Variants in MAST1 observed in about 807,000 individuals in gnomAD.
MAST1 encodes microtubule-associated serine/threonine-protein kinase 1.
In MAST1, 40 loss-of-function variants were observed where a neutral mutation model predicts 124.6. The observed-to-expected ratio is 0.32, with a 90% CI of 0.25 to 0.42. The LOEUF (loss-of-function observed/expected upper bound fraction) is 0.42. Ranked by LOEUF, MAST1 falls within the 10% of genes least tolerant of loss-of-function variation. The pLI is 1.00. For missense variants in MAST1, 1,558 were observed against 2,181.9 expected, an observed-to-expected ratio of 0.71 and a Z score of 5.70; for synonymous variants, 938 against 939.4, an observed-to-expected ratio of 1.00 and a Z score of 0.03.
rs1314468117 is a variant in MAST1, at chr19:12,852,019, G to C, written c.860G>C (p.Arg287Thr). ...CTTATTATCATCTCACGCCCTGCGA[G>C]GCTGCTGGAGTGCCTGGTGAGGGGG... Reference protein sequence around the residue: ...KLLIIISRPARLLECLEFNPE... With the variant: ...KLLIIISRPATLLECLEFNPE... Residue 287 changes from arginine (R) to threonine (T), a missense_variant, in exon 8 of 26, where the codon AGG (arginine) becomes ACG (threonine). Arg to Thr is a moderately conservative substitution (Grantham distance 71). Transcript: ENST00000251472. 1 of 1,614,092 alleles carries C rather than the reference G, an allele frequency of 6.2e-7. No homozygotes were observed. Among genetic ancestry groups the C allele is most frequent in the Non-Finnish European group, 8.5e-7 (1 of 1,180,034 alleles).
chr19:12,864,632 G>T (rs1970127537), intron 12 of MAST1, among the ~76,000 whole-genome samples, 177 bp from the exon 13 acceptor site: 1 of 152,140 alleles, frequency 6.6e-6, no homozygotes, highest in Non-Finnish European at 1.5e-5. Flanking sequence ...TTGGAGGATG[G>T]CTAAGAGGAC....
chr19:12,868,592 G>A, intron 20 of MAST1, 51 bp from the exon 21 acceptor site: 1 of 1,465,742 alleles, frequency 6.8e-7, no homozygotes, highest in Non-Finnish European at 9.2e-7. Flanking sequence ...ACAGTATGTG[G>A]GAAATCCCTG....
In MAST1 at chr19:12,852,165, C is replaced by G. The variant is rs768198100; in HGVS notation, c.927C>G (p.His309Gln). Residue 309 changes from histidine (H) to glutamine (Q), a missense_variant, in exon 9 of 26, where the codon CAC (histidine) becomes CAG (glutamine). Transcript: ENST00000251472. Reference protein sequence around the residue: ...FYHLLEAAEGHAKEGHLVKTD... With the variant: ...FYHLLEAAEGQAKEGHLVKTD... ...ACCTGCTGGAGGCGGCCGAAGGACA[C>G]GCCAAGGAGGGCCACCTTGTGAAGA... The G allele has an allele frequency of 6.2e-7, 1 of 1,613,882 alleles. No individual in the cohort carries two copies. Among genetic ancestry groups the G allele is most frequent in the African/African-American group, 1.3e-5 (1 of 74,944 alleles).
Position 12,873,843 on chromosome 19 carries a change from C to T in MAST1, c.3686C>T (p.Ser1229Leu), listed in dbSNP as rs753883274. Reference protein sequence around the residue: ...PPLPGHTVGSSHTTQSFPAKL... With the variant: ...PPLPGHTVGSLHTTQSFPAKL... Reference sequence around the variant, plus strand: ...CTGCCGGGCCACACGGTGGGCAGCTCGCACACTACTCAGAGCTTCCCGGCC... The same window carrying T: ...CTGCCGGGCCACACGGTGGGCAGCTTGCACACTACTCAGAGCTTCCCGGCC... The change falls in exon 26 of 26, where the codon TCG becomes TTG. Residue 1229 changes from serine to leucine, a missense_variant. Ser to Leu is a moderately radical substitution (Grantham distance 145). Transcript: ENST00000251472. 5.7e-6 allele frequency: 9 copies of T among 1,588,730 alleles called. No individual in the cohort carries two copies. The highest frequency in any genetic ancestry group is 7.7e-6 in the Non-Finnish European group (9 of 1,174,784).
intron 10 of MAST1, among the ~76,000 whole-genome samples, chr19:12,855,111 G>A (rs776897033): frequency 3.9e-5 from 6 of 152,106 alleles, no homozygotes; most frequent in South Asian, 2.1e-4. Context: ...GTGCCCACCC[G>A]TAATCCCAGC....
At chr19:12,850,394 A>G (rs1378519286) in intron 7 of MAST1, among the ~76,000 whole-genome samples, 2 of 152,318 alleles carry the variant, frequency 1.3e-5, no homozygotes. Context: ...AATAGGTATT[A>G]GGGCTGAGAC....
chr19:12,840,464 G>C lies in MAST1; in HGVS notation c.102G>C (p.Arg34=), dbSNP rs1298452324. 6.2e-7 allele frequency: 1 copy of C among 1,613,846 alleles called. No individual in the cohort carries two copies. The highest frequency in any genetic ancestry group is 1.7e-5 in the Admixed American group (1 of 59,996). Residue 34 remains arginine (R), a synonymous_variant, in exon 2 of 26, where the codon CGG becomes CGC. Transcript: ENST00000251472. ...RRTKSCRTSN[R]KSLILTSTSP... is the part of the protein sequence containing the mutation. ...CCCGCAGCTGCCGCACCAGTAATCG[G>C]AAAAGCCTCATCCTGACCAGCACTT...
rs138815534 is a variant in MAST1, at chr19:12,856,119, A to G, written c.1078-2243A>G. On this transcript the variant is annotated intron_variant, in intron 10 of 25. Transcript: ENST00000251472. The stretch of plus-strand genomic sequence containing the variant: ...TTTTAGGCTACATTCTTTGGAGCAT[A>G]TAAGTTCAATATTTTTATATATCAT... Among the ~76,000 whole-genome samples the G allele has an allele frequency of 9.3e-4, 142 of 152,242 alleles. 1 individual carries two copies. The highest frequency in any genetic ancestry group is 3.4e-3 in the Middle Eastern group (1 of 294).
At chr19:12,856,438 G>C (rs1036021419) in intron 10 of MAST1, among the ~76,000 whole-genome samples, 1 of 151,726 alleles carries the variant, frequency 6.6e-6, no homozygotes, top group African/African-American at 2.4e-5. Flanking sequence ...AAGCAGCTGG[G>C]ATTATAGGCA....
In MAST1 at chr19:12,852,394, A is replaced by G; in HGVS notation, c.1076A>G (p.Glu359Gly). The G allele has an allele frequency of 6.5e-7, 1 of 1,532,184 alleles. No homozygotes were observed. The allele number at this position is 1,532,184 out of a possible 1,614,324, so 94.9% of individuals were successfully genotyped here. Residue 359 changes from glutamate to glycine, a missense_variant and splice_region_variant, in exon 10 of 26, where the codon GAG becomes GGG. By Grantham distance (98) the Glu-to-Gly change is moderately conservative (BLOSUM62 -2). Coordinates refer to ENST00000251472, the MANE Select transcript of MAST1 (RefSeq NM_014975.3). Reference protein sequence around the residue: ...SNTPEQDDLSEGRSSKAKKPP... With the variant: ...SNTPEQDDLSGGRSSKAKKPP... Reference sequence around the variant, plus strand: ...ACCCCTGAGCAAGACGATCTCTCTGAGGTAAGGCTGGGTGGCTAAGCGGTC... The same window carrying G: ...ACCCCTGAGCAAGACGATCTCTCTGGGGTAAGGCTGGGTGGCTAAGCGGTC...
rs184722148 is a variant in MAST1 at position 12,871,634 on chromosome 19, A to C, written c.3263+462A>C. Among the ~76,000 whole-genome samples, 1,138 of 150,156 alleles carry C rather than the reference A, an allele frequency of 7.6e-3. 9 individuals are homozygous for C. Among genetic ancestry groups the C allele is most frequent in the Middle Eastern group, 0.028 (8 of 286 alleles). Reference sequence around the variant, plus strand: ...ACAAACAAACAAACAAACAAACAAAAAAAGAGGGGCTGGGATGAGTCACAC... The same window carrying C: ...ACAAACAAACAAACAAACAAACAAACAAAGAGGGGCTGGGATGAGTCACAC... On this transcript the variant is annotated intron_variant, in intron 24 of 25. Coordinates refer to ENST00000251472, the MANE Select transcript of MAST1 (RefSeq NM_014975.3).
At position 12,862,235 on chromosome 19, in the gene MAST1, C is replaced by G. The variant is rs80024999; in HGVS notation, c.1367-2574C>G. Among the ~76,000 whole-genome samples the G allele has an allele frequency of 2.4e-4, 36 of 152,268 alleles. No individual in the cohort carries two copies. In the East Asian group the frequency reaches 3.7e-3, roughly 15 times the overall value. On this transcript the variant is annotated intron_variant, in intron 12 of 25. Transcript: ENST00000251472. ...GGCCAGGCTGGTCTCGAATTCCTAG[C>G]CTTAAATGATCCATCAGTCTCGGCC...
At chr19:12,863,144 G>C (rs1001129317) in intron 12 of MAST1, among the ~76,000 whole-genome samples, 10 of 118,594 alleles carry the variant, frequency 8.4e-5, no homozygotes, top group African/African-American at 3.3e-4. Flanking sequence ...GGGTGACAGA[G>C]CCAGACTCTG....
chr19:12,843,632 G>A lies in MAST1; in HGVS notation c.327+25G>A, dbSNP rs775247175. ...GGTGAGTGTGGAAAGTAGGTGGGTG[G>A]GCCGGTGGGTAAGGAATTCAGGGGC... On this transcript the variant is annotated intron_variant, in intron 4 of 25. Coordinates refer to ENST00000251472, the MANE Select transcript of MAST1 (RefSeq NM_014975.3). The surrounding 1 kb of genome is among the most constrained non-coding windows in gnomAD (Gnocchi z 4.9). 1 of 1,606,540 alleles carries A rather than the reference G, an allele frequency of 6.2e-7. No individual in the cohort carries two copies. Among genetic ancestry groups the A allele is most frequent in the South Asian group, 1.1e-5 (1 of 90,722 alleles).
intron 10 of MAST1, among the ~76,000 whole-genome samples, chr19:12,857,934 T>C (rs1386379654): frequency 7.2e-6 from 1 of 139,632 alleles, no homozygotes; most frequent in East Asian, 2.2e-4. Flanking sequence ...GAGAATCACT[T>C]GAGCCCTAGA....
At chr19:12,871,206 C>A in intron 24 of MAST1, 34 bp downstream of exon 24, 2 of 1,612,756 alleles carry the variant, frequency 1.2e-6, no homozygotes, top group South Asian at 2.2e-5. Context: ...GGTCTTTGAG[C>A]AGTGGGTGGA....
chr19:12,863,080 G>A (rs1210385), intron 12 of MAST1, among the ~76,000 whole-genome samples: 5,456 of 150,440 alleles, frequency 0.036, 162 homozygotes, highest in Middle Eastern at 0.17. Context: ...ACCCGGGGGC[G>A]GTGAGTGGGC....
intron 22 of MAST1, among the ~76,000 whole-genome samples, chr19:12,870,012 T>C (rs1007817058): frequency 2.5e-4 from 37 of 148,334 alleles, no homozygotes; most frequent in African/African-American, 9.2e-4. Context: ...AAACCCCCTC[T>C]CTACTAAAAA....
intron 12 of MAST1, among the ~76,000 whole-genome samples, chr19:12,859,478 C>G (rs1254338302): frequency 2.0e-5 from 3 of 152,066 alleles, no homozygotes; most frequent in Non-Finnish European, 4.4e-5. Context: ...CCTCAAATGC[C>G]TGGGCTCAAT....
Sources: allele counts gnomAD v4.1 joint callset (sites outside exome capture counted in the v4.1 genomes callset), GRCh38; gene constraint gnomAD v4.1.1; non-coding constraint Gnocchi (gnomAD v3.1); transcripts MANE v1.5; gene names NCBI Gene and HGNC (gene_info 2026-07-23, HGNC 2026-07-21).